Variants in SATB1 observed in about 807,000 individuals in gnomAD.
SATB1 encodes DNA-binding protein SATB1.
A neutral mutation model predicts 86.9 loss-of-function variants in SATB1; 11 were observed. The ratio of observed to expected loss-of-function variants is 0.13; its 90% CI spans 0.08 to 0.21. The LOEUF is 0.21. SATB1 is among the 10% of genes least tolerant of loss of function. SATB1 has a pLI of 1.00. For synonymous variants in SATB1, 357 were observed against 357.2 expected (o/e 1.00, Z 0.01); for missense variants, 551 against 937.6 (o/e 0.59, Z 5.39).
At chr3:18,364,696 C>A (rs1695091789) in intron 9 of SATB1, among the ~76,000 whole-genome samples, 1 of 151,508 alleles carries the variant, frequency 6.6e-6, no homozygotes, top group African/African-American at 2.4e-5. Flanking sequence ...ACATACATAG[C>A]TATCAAATAT....
chr3:18,395,459 T>C (rs1276889831), intron 6 of SATB1, among the ~76,000 whole-genome samples: 1 of 152,224 alleles, frequency 6.6e-6, no homozygotes, highest in East Asian at 1.9e-4. Flanking sequence ...CAGCAGTGAA[T>C]AGAAGTAGTT....
At chr3:18,420,470 C>T (rs987608756) in intron 2 of SATB1, among the ~76,000 whole-genome samples, 1 of 152,108 alleles carries the variant, frequency 6.6e-6, no homozygotes, top group Admixed American at 6.6e-5. Context: ...ACTACAACAC[C>T]TTTTGAATGG....
rs1441018018 is a variant in SATB1, at chr3:18,346,091, T to C, written c.*3079A>G. The C allele has an allele frequency of 6.6e-6, 1 of 152,156 alleles. No homozygotes were observed. The highest frequency in any genetic ancestry group is 1.5e-5 in the Non-Finnish European group (1 of 67,992). 9.4% of individuals were successfully genotyped at this position (152,156 alleles called of 1,614,324 possible). On this transcript the variant is annotated 3_prime_UTR_variant, in exon 11 of 11. Coordinates refer to ENST00000338745, the MANE Select transcript of SATB1 (RefSeq NM_002971.6). ...TTTTATACATAATATGTACAGACTTTGTTACCAAGCGCCACACAACTAGGA... is the reference window on the plus strand; with the variant it reads ...TTTTATACATAATATGTACAGACTTCGTTACCAAGCGCCACACAACTAGGA...
chr3:18,421,211 C>T (rs1276284403), intron 1 of SATB1: 1 of 369,792 alleles, frequency 2.7e-6, no homozygotes, highest in Non-Finnish European at 4.8e-6. Context: ...TGTACCAATA[C>T]ACATGAATAA....
chr3:18,385,201 C>G (rs148701951), intron 8 of SATB1, among the ~76,000 whole-genome samples: 5 of 152,192 alleles, frequency 3.3e-5, no homozygotes, highest in Non-Finnish European at 7.4e-5. Context: ...GAAGTAAAAT[C>G]GAGATACAAT....
At chr3:18,362,329 A>T (rs1055145876) in intron 9 of SATB1, among the ~76,000 whole-genome samples, 6 of 152,110 alleles carry the variant, frequency 3.9e-5, no homozygotes, top group African/African-American at 1.4e-4. Flanking sequence ...GAGCTTGGAA[A>T]CACCCTGAGG....
intron 9 of SATB1, among the ~76,000 whole-genome samples, chr3:18,362,971 A>G (rs979430276): frequency 2.3e-4 from 35 of 152,158 alleles, no homozygotes; most frequent in Admixed American, 2.1e-3. Flanking sequence ...GCTTACAAAA[A>G]TAATTTACTA....
chr3:18,381,864 G>A (rs1028764311), intron 8 of SATB1, among the ~76,000 whole-genome samples: 1 of 151,950 alleles, frequency 6.6e-6, no homozygotes, highest in Admixed American at 6.6e-5. Flanking sequence ...TATTAACACT[G>A]TCTTTAGCAC....
At chr3:18,367,899 C>G (rs1381900894) in intron 9 of SATB1, among the ~76,000 whole-genome samples, 1 of 152,152 alleles carries the variant, frequency 6.6e-6, no homozygotes, top group Non-Finnish European at 1.5e-5. Flanking sequence ...ATGGTGAGCT[C>G]CACCAGTGAT....
chr3:18,432,415 C>T (rs13320991), intron 2 of SATB1, among the ~76,000 whole-genome samples: 2 of 152,074 alleles, frequency 1.3e-5, no homozygotes, highest in Non-Finnish European at 2.9e-5. Flanking sequence ...AAAGAATTCG[C>T]GATAACAATG....
Position 18,394,403 on chromosome 3 carries a change from G to A in SATB1, c.1206+59C>T. ...AAAAGAATAAACTTTAGTTATAGAT[G>A]GGACTAAAGAAAGAGAAAATAGGAG... On this transcript the variant is annotated intron_variant, in intron 7 of 10. Coordinates refer to ENST00000338745, the MANE Select transcript of SATB1 (RefSeq NM_002971.6). The surrounding 1 kb of genome is among the most constrained non-coding windows in gnomAD (Gnocchi z 5.9). The A allele has an allele frequency of 7.3e-7, 1 of 1,361,316 alleles. No individual in the cohort carries two copies. The highest frequency in any genetic ancestry group is 2.3e-5 in the East Asian group (1 of 43,420). 84.3% of individuals were successfully genotyped at this position (1,361,316 alleles called of 1,614,324 possible).
intron 5 of SATB1, among the ~76,000 whole-genome samples, chr3:18,400,312 T>C (rs1011980702): frequency 8.5e-5 from 13 of 152,136 alleles, no homozygotes; most frequent in African/African-American, 3.1e-4. Flanking sequence ...GCTCAATGCC[T>C]GGCATGCATT....
In SATB1 at chr3:18,348,118, C is replaced by G. The variant is rs1694151879; in HGVS notation, c.*1052G>C. On this transcript the variant is annotated 3_prime_UTR_variant, in exon 11 of 11. Transcript: ENST00000338745. ...TACACCTTTATACAGAAATTTTATA[C>G]AGATGTAGCTTTAAAATTGATTGTA... The G allele has an allele frequency of 6.6e-6, 1 of 152,570 alleles. No homozygotes were observed. The highest frequency in any genetic ancestry group is 1.5e-5 in the Non-Finnish European group (1 of 68,012). 9.5% of individuals were successfully genotyped at this position (152,570 alleles called of 1,614,324 possible). A position where few individuals can be genotyped will look rare whatever the true frequency, so the allele number is the denominator to read the frequency against.
At chr3:18,409,179 G>GA (rs1177542489) in intron 5 of SATB1, 1 of 151,984 alleles carries the variant, frequency 6.6e-6, no homozygotes, top group African/African-American at 2.4e-5. Context: ...TTACTATTGT[G>GA]AAAAGATAGT....
At position 18,348,983 on chromosome 3, in the gene SATB1, G is replaced by T; in HGVS notation, c.*187C>A. ...TTCACCTGGGGCTGCCAAGCAGTTT[G>T]TAAAACAGAGGAAAACATTTAGTGC... On this transcript the variant is annotated 3_prime_UTR_variant, in exon 11 of 11. Coordinates refer to ENST00000338745, the MANE Select transcript of SATB1 (RefSeq NM_002971.6). The T allele has an allele frequency of 9.9e-7, 1 of 1,012,530 alleles. No homozygotes were observed. Among genetic ancestry groups the T allele is most frequent in the Non-Finnish European group, 1.4e-6 (1 of 718,444 alleles). The allele number at this position is 1,012,530 out of a possible 1,614,324, so 62.7% of individuals were successfully genotyped here.
intron 9 of SATB1, among the ~76,000 whole-genome samples, chr3:18,368,781 A>G (rs908880258): frequency 5.3e-5 from 8 of 152,192 alleles, no homozygotes; most frequent in Admixed American, 1.3e-4. Flanking sequence ...TCTATGTTTT[A>G]AATGGTCTCT....
At position 18,395,959 on chromosome 3, in the gene SATB1, A is replaced by G. The variant is rs535165084; in HGVS notation, c.752-1043T>C. Among the ~76,000 whole-genome samples the G allele has an allele frequency of 2.0e-5, 3 of 152,358 alleles. No individual in the cohort carries two copies. In the South Asian group the frequency reaches 6.2e-4, roughly 32 times the overall value. On this transcript the variant is annotated intron_variant, in intron 6 of 10. Coordinates refer to ENST00000338745, the MANE Select transcript of SATB1 (RefSeq NM_002971.6). ...CACAGACTTCCCACATGTAGACTCT[A>G]GTTTGATTTTAATCATCAATTCTCT... is the stretch of plus-strand genomic sequence containing the variant.
intron 9 of SATB1, among the ~76,000 whole-genome samples, chr3:18,356,424 A>AAC: frequency 6.6e-6 from 1 of 151,518 alleles, no homozygotes; most frequent in African/African-American, 2.4e-5. Flanking sequence ...AGATTGAAAA[A>AAC]AAAAAAAAAA....
chr3:18,420,953 G>C lies in SATB1; in HGVS notation c.15C>G (p.Asn5Lys). The C allele has an allele frequency of 6.2e-7, 1 of 1,614,004 alleles. No homozygotes were observed. The highest frequency in any genetic ancestry group is 8.5e-7 in the Non-Finnish European group (1 of 1,179,956). MDHL[N>K]EATQGKEHSE... ...AATGTTCTTTCCCCTGAGTTGCCTC[G>C]TTCAAATGATCCATACTCAGTCACT... Residue 5 changes from asparagine (N) to lysine (K), a missense_variant, in exon 2 of 11, where the codon AAC becomes AAG. By Grantham distance (94) the Asn-to-Lys change is moderately conservative. Around this residue, in one of 8 missense-constraint regions of SATB1, gnomAD observed 153 missense variants for 258.1 expected, o/e 0.59. Coordinates refer to ENST00000338745, the MANE Select transcript of SATB1 (RefSeq NM_002971.6).
Sources: allele counts gnomAD v4.1 joint callset (sites outside exome capture counted in the v4.1 genomes callset), GRCh38; gene constraint gnomAD v4.1.1; regional missense constraint gnomAD v4.1.1; non-coding constraint Gnocchi (gnomAD v3.1); transcripts MANE v1.5; gene names NCBI Gene and HGNC (gene_info 2026-07-23, HGNC 2026-07-21).